Variants in CALN1 observed in about 807,000 individuals in gnomAD.
CALN1 encodes the protein calcium-binding protein 8.
A neutral mutation model predicts 30.6 loss-of-function variants in CALN1; 17 were observed. The ratio of observed to expected loss-of-function variants is 0.56; its 90% CI spans 0.38 to 0.83. The LOEUF (loss-of-function observed/expected upper bound fraction) is 0.83. CALN1 is among the 40% of genes least tolerant of loss of function. CALN1 has a pLI of 0.00. For synonymous variants in CALN1, 156 were observed against 131.4 expected (o/e 1.19, Z -1.28); for missense variants, 291 against 354.9 (o/e 0.82, Z 1.45).
At chr7:72,190,074 T>C (rs1790493318) in intron 3 of CALN1, among the ~76,000 whole-genome samples, 1 of 152,022 alleles carries the variant, frequency 6.6e-6, no homozygotes, top group Admixed American at 6.6e-5. Context: ...CAAAACAAAC[T>C]GCCAGGTGCA....
At chr7:72,149,749 C>T (rs962220834) in intron 3 of CALN1, among the ~76,000 whole-genome samples, 11 of 152,080 alleles carry the variant, frequency 7.2e-5, no homozygotes, top group Admixed American at 5.2e-4. Flanking sequence ...TGCAAAAACT[C>T]ATTACCACAG....
intron 1 of CALN1, 104 bp from the exon 2 acceptor site, chr7:72,403,546 C>T: frequency 1.9e-6 from 1 of 524,854 alleles, no homozygotes; most frequent in Non-Finnish European, 3.4e-6. Context: ...CGTGTTTACA[C>T]AGGACAATGG....
At chr7:71,798,474 T>C (rs1196923172) in intron 6 of CALN1, among the ~76,000 whole-genome samples, 1 of 151,986 alleles carries the variant, frequency 6.6e-6, no homozygotes, top group Non-Finnish European at 1.5e-5. Flanking sequence ...TGGCTAATTT[T>C]TTAAAAAACT....
chr7:72,420,669 G>C (rs1322617608), intron 1 of CALN1, among the ~76,000 whole-genome samples: 1 of 149,640 alleles, frequency 6.7e-6, no homozygotes, highest in South Asian at 2.2e-4. Flanking sequence ...TGTCGCCCAG[G>C]CTGGAGTGCA....
At chr7:72,381,984 A>G (rs1278216415) in intron 2 of CALN1, among the ~76,000 whole-genome samples, 1 of 152,246 alleles carries the variant, frequency 6.6e-6, no homozygotes, top group Non-Finnish European at 1.5e-5. Context: ...TATGAAGTTC[A>G]AAGTGGATCA....
rs1465608828 is a variant in CALN1, at chr7:72,118,844, G to A, written c.245-12550C>T. 3.3e-5 allele frequency among the ~76,000 whole-genome samples: 5 copies of A among 152,166 alleles called. No homozygotes were observed. The East Asian group carries it at 9.6e-4, about 29-fold the overall frequency. ...CACATCAGTTCCATTTGTCTGGAAT[G>A]GTTCTAGACTCCACTGCTAGGTCAT... On this transcript the variant is annotated intron_variant, in intron 3 of 6. Transcript: ENST00000395275.
upstream of CALN1, chr7:72,412,456 T>C (rs1201444284): frequency 6.6e-6 from 1 of 152,058 alleles, no homozygotes; most frequent in Admixed American, 6.6e-5. Context: ...GATTGGTCCA[T>C]TTTACAGAGT....
At chr7:72,492,473 T>C in the CALN1 span, among the ~76,000 whole-genome samples, 1 of 152,200 alleles carries the variant, frequency 6.6e-6, no homozygotes, top group South Asian at 2.1e-4. Context: ...CTACAGGGGC[T>C]GTTGTACAAG....
intron 3 of CALN1, among the ~76,000 whole-genome samples, chr7:72,209,151 CCCCT>C (rs1277428618): frequency 7.7e-6 from 1 of 130,034 alleles, no homozygotes; most frequent in African/African-American, 2.9e-5. Context: ...CATTCCTTCC[CCCCT>C]TCTCCCTTGA....
At chr7:72,053,219 GACTCTGTCT>G (rs1802952768) in intron 4 of CALN1, among the ~76,000 whole-genome samples, 1 of 152,178 alleles carries the variant, frequency 6.6e-6, no homozygotes, top group Non-Finnish European at 1.5e-5. Flanking sequence ...GACAGAGCGA[GACTCTGTCT>G]CAAAAAACAA....
intron 5 of CALN1, among the ~76,000 whole-genome samples, chr7:71,823,187 T>TC (rs1491356895): frequency 1.4e-4 from 14 of 101,210 alleles, no homozygotes; most frequent in South Asian, 3.5e-4. Flanking sequence ...TCTCTCTCTC[T>TC]TTTTTTTTTT....
the CALN1 span, among the ~76,000 whole-genome samples, chr7:72,500,349 C>T: frequency 5.6e-4 from 67 of 119,186 alleles, no homozygotes; most frequent in South Asian, 2.5e-3. Context: ...GTCGCGATCT[C>T]GGTTCACCAC....
At chr7:71,990,467 CTTT>C (rs998150098) in intron 5 of CALN1, among the ~76,000 whole-genome samples, 2 of 147,604 alleles carry the variant, frequency 1.4e-5, no homozygotes, top group African/African-American at 4.9e-5. Flanking sequence ...AATTCATTTA[CTTT>C]TTTTTTTTTC....
intron 5 of CALN1, among the ~76,000 whole-genome samples, chr7:71,871,446 C>A (rs1391409579): frequency 6.6e-6 from 1 of 152,078 alleles, no homozygotes; most frequent in Non-Finnish European, 1.5e-5. Context: ...TGGGAAAAAG[C>A]ATCAAGTTGC....
intron 5 of CALN1, among the ~76,000 whole-genome samples, chr7:71,939,122 T>C (rs1795992246): frequency 6.6e-6 from 1 of 152,230 alleles, no homozygotes; most frequent in East Asian, 1.9e-4. Context: ...TTTAAGCTTC[T>C]TGCAACACAA....
intron 2 of CALN1, among the ~76,000 whole-genome samples, chr7:72,374,095 C>T (rs1804403547): frequency 6.6e-6 from 1 of 152,168 alleles, no homozygotes; most frequent in African/African-American, 2.4e-5. Context: ...GCCAGTGGAC[C>T]TGCTCTAAAA....
At chr7:71,898,873 G>A (rs950796061) in intron 5 of CALN1, among the ~76,000 whole-genome samples, 1 of 152,142 alleles carries the variant, frequency 6.6e-6, no homozygotes, top group Non-Finnish European at 1.5e-5. Context: ...AATCTCATTT[G>A]AATGAGAAAG....
the CALN1 span, among the ~76,000 whole-genome samples, chr7:72,501,954 C>CACACAT: frequency 4.0e-5 from 3 of 75,866 alleles, no homozygotes; most frequent in Admixed American, 1.3e-4. Context: ...TATATACACA[C>CACACAT]ATATATATAT....
intron 2 of CALN1, among the ~76,000 whole-genome samples, chr7:72,281,426 A>T (rs1797727735): frequency 6.6e-6 from 1 of 152,164 alleles, no homozygotes; most frequent in Non-Finnish European, 1.5e-5. Context: ...TTCTTATGTG[A>T]TTTCAACTTC....
Sources: gnomAD v4.1 joint callset for allele counts (sites outside exome capture counted in the v4.1 genomes callset) on GRCh38, gnomAD v4.1.1 for gene constraint, MANE v1.5 for transcripts, NCBI Gene and HGNC (gene_info 2026-07-23, HGNC 2026-07-21) for gene names.